SUPT7L: variants seen among roughly 807,000 people sequenced by gnomAD.
SUPT7L encodes STAGA complex 65 subunit gamma.
Under a neutral mutation model 35.7 loss-of-function variants are expected in SUPT7L, and 15 were observed. That is an observed-to-expected ratio of 0.42 (90% confidence interval 0.28 to 0.65). SUPT7L has a LOEUF of 0.65. Ranked by LOEUF, SUPT7L falls within the 30% of genes least tolerant of loss-of-function variation. The pLI is 0.23. For synonymous variants in SUPT7L, 168 were observed against 186.2 expected, an observed-to-expected ratio of 0.90 and a Z score of 0.79; for missense variants, 434 against 522.2, an observed-to-expected ratio of 0.83 and a Z score of 1.65.
chr2:27,659,097 A>G (rs1674933562), intron 3 of SUPT7L, among the ~76,000 whole-genome samples: 1 of 152,254 alleles, frequency 6.6e-6, no homozygotes, highest in Non-Finnish European at 1.5e-5. Flanking sequence ...ATATGTGAAT[A>G]CAGTATTGAT....
chr2:27,659,286 T>C (rs889917718), intron 3 of SUPT7L, among the ~76,000 whole-genome samples: 2 of 152,232 alleles, frequency 1.3e-5, no homozygotes, highest in Non-Finnish European at 2.9e-5. Flanking sequence ...CCTGTGTATT[T>C]AGTCTATTTC....
At chr2:27,661,835 T>A in intron 2 of SUPT7L, 2 of 405,154 alleles carry the variant, frequency 4.9e-6, no homozygotes, top group Non-Finnish European at 8.9e-6. Flanking sequence ...TCTTGATACA[T>A]CTGTGCTGGA....
Position 27,653,239 on chromosome 2 carries a change from G to C in SUPT7L, c.*246C>G. On this transcript the variant is annotated 3_prime_UTR_variant, in exon 6 of 6. Transcript: ENST00000337768. The stretch of plus-strand genomic sequence containing the variant: ...GACAACAATTGGGGACAGTGCTTTG[G>C]TCTGATTGCCATGCCAGCATCATAT... The C allele has an allele frequency of 1.9e-6, 1 of 521,012 alleles. No homozygotes were observed. Among genetic ancestry groups the C allele is most frequent in the Non-Finnish European group, 3.4e-6 (1 of 291,202 alleles). 32.3% of individuals were successfully genotyped at this position (521,012 alleles called of 1,614,324 possible).
At position 27,653,145 on chromosome 2, in the gene SUPT7L, T is replaced by C; in HGVS notation, c.*340A>G. On this transcript the variant is annotated 3_prime_UTR_variant, in exon 6 of 6. Coordinates refer to ENST00000337768, the MANE Select transcript of SUPT7L (RefSeq NM_014860.3). ...TCTAAATCCTCACATCTCTACAAGG[T>C]AGGTCAAAGTATGATTCTTCTCAGT... 1 of 292,994 alleles carries C rather than the reference T, an allele frequency of 3.4e-6. No homozygotes were observed. Among genetic ancestry groups the C allele is most frequent in the African/African-American group, 2.2e-5 (1 of 46,016 alleles). 18.1% of individuals were successfully genotyped at this position (292,994 alleles called of 1,614,324 possible).
intron 3 of SUPT7L, among the ~76,000 whole-genome samples, chr2:27,659,030 A>G (rs1245109285): frequency 1.3e-5 from 2 of 152,248 alleles, no homozygotes. Flanking sequence ...AAATGAATAA[A>G]CAGCATCAAT....
At chr2:27,655,751 T>G in intron 4 of SUPT7L, 149 bp from the exon 5 acceptor site, 1 of 723,262 alleles carries the variant, frequency 1.4e-6, no homozygotes, top group Non-Finnish European at 2.3e-6. Context: ...TTTAAGGTGC[T>G]GAGTTTGCAT....
downstream of SUPT7L, chr2:27,647,938 A>G: frequency 6.3e-7 from 1 of 1,595,688 alleles, no homozygotes; most frequent in Non-Finnish European, 8.6e-7. Flanking sequence ...GACATTGACC[A>G]CAGAGGTGAG....
intron 5 of SUPT7L, among the ~76,000 whole-genome samples, chr2:27,654,340 A>C (rs923084356): frequency 4.6e-5 from 7 of 152,340 alleles, no homozygotes; most frequent in Admixed American, 3.3e-4. Context: ...TTCCATAGTG[A>C]AAGGCTCTCT....
rs377404337 is a variant in SUPT7L at position 27,655,537 on chromosome 2, A to G, written c.810T>C (p.Ala270=). 108 of 1,613,950 alleles carry G rather than the reference A, an allele frequency of 6.7e-5. No homozygotes were observed. The highest frequency in any genetic ancestry group is 8.8e-5 in the Non-Finnish European group (104 of 1,179,976). The stretch of plus-strand genomic sequence containing the variant: ...GTTCCTCCTTGATCTTCACAGGTTT[A>G]GCGTCCTCTGTGGCCTTCTCAGGAT... ...IVNPEKATED[A]KPVKIKEEPV... Residue 270 remains alanine (A), a synonymous_variant, in exon 5 of 6, where the codon GCT becomes GCC. Coordinates refer to ENST00000337768, the MANE Select transcript of SUPT7L (RefSeq NM_014860.3).
intron 5 of SUPT7L, 48 bp from the exon 6 acceptor site, chr2:27,653,795 C>T (rs1025650238): frequency 6.2e-7 from 1 of 1,608,516 alleles, no homozygotes; most frequent in African/African-American, 1.3e-5. Flanking sequence ...TATGTGTAGC[C>T]AAGTGTAGAA....
rs1459519643 is a variant in SUPT7L, at chr2:27,653,245, T to C, written c.*240A>G. ...AATTGGGGACAGTGCTTTGGTCTGA[T>C]TGCCATGCCAGCATCATATTTTATC... On this transcript the variant is annotated 3_prime_UTR_variant, in exon 6 of 6. Transcript: ENST00000337768. 7.5e-6 allele frequency: 4 copies of C among 533,140 alleles called. No homozygotes were observed. Among genetic ancestry groups the C allele is most frequent in the East Asian group, 3.4e-5 (1 of 29,750 alleles). The allele number at this position is 533,140 out of a possible 1,614,324, so 33.0% of individuals were successfully genotyped here.
At chr2:27,644,740 T>TTTTTTTC in the SUPT7L span, among the ~76,000 whole-genome samples, 434 of 148,536 alleles carry the variant, frequency 2.9e-3, no homozygotes, top group Non-Finnish European at 4.3e-3. Flanking sequence ...TTTTTTTTTT[T>TTTTTTTC]TTTACAGATG....
chr2:27,645,980 T>G (rs1251573078), downstream of SUPT7L, among the ~76,000 whole-genome samples: 1 of 152,082 alleles, frequency 6.6e-6, no homozygotes, highest in Non-Finnish European at 1.5e-5. Context: ...TCTGCCCACC[T>G]CAGCCACCCA....
rs1301518332 is a variant in SUPT7L, at chr2:27,653,343, C to T, written c.*142G>A. ...AGTAAAATGCAACCTTGTTTGGTGA[C>T]GTCCAGTTCCTCTGGAATTAGGAAA... On this transcript the variant is annotated 3_prime_UTR_variant, in exon 6 of 6. Transcript: ENST00000337768. 71 of 1,204,670 alleles carry T rather than the reference C, an allele frequency of 5.9e-5. No individual in the cohort carries two copies. Among genetic ancestry groups the T allele is most frequent in the Non-Finnish European group, 7.4e-5 (65 of 874,596 alleles). 74.6% of individuals were successfully genotyped at this position (1,204,670 alleles called of 1,614,324 possible). A position where few individuals can be genotyped will look rare whatever the true frequency, so the allele number is the denominator to read the frequency against.
In SUPT7L at chr2:27,654,788, G is replaced by C. The variant is rs182360229; in HGVS notation, c.982+577C>G. ...TCACTGTGTTAGCCAGGATGTTCTCGATCTCCTGACCTCGTGATTCGCCCG... is the reference window on the plus strand; with the variant it reads ...TCACTGTGTTAGCCAGGATGTTCTCCATCTCCTGACCTCGTGATTCGCCCG... On this transcript the variant is annotated intron_variant, in intron 5 of 5. Transcript: ENST00000337768. 1.3e-3 allele frequency among the ~76,000 whole-genome samples: 195 copies of C among 152,176 alleles called. 2 individuals are homozygous for C. The highest frequency in any genetic ancestry group is 4.5e-3 in the African/African-American group (186 of 41,508).
chr2:27,643,517 T>C, the SUPT7L span, among the ~76,000 whole-genome samples: 1 of 152,180 alleles, frequency 6.6e-6, no homozygotes, highest in Admixed American at 6.5e-5. This position sits in a 1 kb window ranked among gnomAD's most constrained non-coding sequence, Gnocchi z 4.0. Flanking sequence ...TACTATAATA[T>C]TAGCTAACAT....
In SUPT7L at chr2:27,663,594, T is replaced by A. The variant is rs1486239531; in HGVS notation, c.-355A>T. 2 of 655,706 alleles carry A rather than the reference T, an allele frequency of 3.1e-6. No homozygotes were observed. Among genetic ancestry groups the A allele is most frequent in the Non-Finnish European group, 5.2e-6 (2 of 384,686 alleles). 40.6% of individuals were successfully genotyped at this position (655,706 alleles called of 1,614,324 possible). ...AAGGATCGCGTCAGACCCCGAAAGCTGGTTTGTTGATTAGTGATCTAAGAC... is the reference window on the plus strand; with the variant it reads ...AAGGATCGCGTCAGACCCCGAAAGCAGGTTTGTTGATTAGTGATCTAAGAC... On this transcript the variant is annotated 5_prime_UTR_variant, in exon 1 of 6. Transcript: ENST00000337768.
the SUPT7L span, among the ~76,000 whole-genome samples, chr2:27,642,943 T>TTATATA: frequency 4.4e-3 from 564 of 128,546 alleles, 5 homozygotes; most frequent in African/African-American, 0.015. Context: ...AAATGTGGTT[T>TTATATA]TATATATATA....
At chr2:27,643,190 A>T in the SUPT7L span, among the ~76,000 whole-genome samples, 4 of 150,248 alleles carry the variant, frequency 2.7e-5, no homozygotes, top group Non-Finnish European at 5.9e-5. This position sits in a 1 kb window ranked among gnomAD's most constrained non-coding sequence, Gnocchi z 4.0. Context: ...TTTTATAATT[A>T]AAAAAAATTT....
Sources: allele counts gnomAD v4.1 joint callset (sites outside exome capture counted in the v4.1 genomes callset), GRCh38; gene constraint gnomAD v4.1.1; non-coding constraint Gnocchi (gnomAD v3.1); transcripts MANE v1.5; gene names NCBI Gene and HGNC (gene_info 2026-07-23, HGNC 2026-07-21).